The following ELOVL7 variants were observed in gnomAD, a reference collection of about 807,000 sequenced individuals.
ELOVL7 encodes very long chain fatty acid elongase 7.
A neutral mutation model predicts 35.7 loss-of-function variants in ELOVL7; 27 were observed. The observed-to-expected ratio is 0.76, with a 90% CI of 0.56 to 1.04. The LOEUF is 1.04. Among genes scored for constraint, ELOVL7 ranks in the 50% least tolerant of loss-of-function variants. The pLI, the probability that ELOVL7 is intolerant of heterozygous loss-of-function variation, is 0.00. For missense variants in ELOVL7, 327 were observed against 340.8 expected, an observed-to-expected ratio of 0.96 and a Z score of 0.32; for synonymous variants, 113 against 114.6, an observed-to-expected ratio of 0.99 and a Z score of 0.09.
In ELOVL7 at chr5:60,752,909, C is replaced by A. The variant is rs1397283997; in HGVS notation, c.*1715G>T. ...AGTGAACCGAGATTGTGCCATTGCACTCTAGCCTGGGCAACAAGAGTAAAA... is the reference window on the plus strand; with the variant it reads ...AGTGAACCGAGATTGTGCCATTGCAATCTAGCCTGGGCAACAAGAGTAAAA... On this transcript the variant is annotated 3_prime_UTR_variant, in exon 9 of 9. Transcript: ENST00000508821. 12 of 152,042 alleles carry A rather than the reference C, an allele frequency of 7.9e-5. 1 individual carries two copies. Among genetic ancestry groups the A allele is most frequent in the Admixed American group, 7.9e-4 (12 of 15,270 alleles). 9.4% of individuals were successfully genotyped at this position (152,042 alleles called of 1,614,324 possible).
At chr5:60,773,580 AAAGAGTC>A (rs1742728714) in intron 3 of ELOVL7, among the ~76,000 whole-genome samples, 1 of 152,214 alleles carries the variant, frequency 6.6e-6, no homozygotes, top group South Asian at 2.1e-4. Flanking sequence ...AAATAAAGCC[AAAGAGTC>A]AAGAGTCAGC....
rs533007846 is a variant in ELOVL7 at position 60,810,602 on chromosome 5, C to T, written c.-85-11372G>A. Among the ~76,000 whole-genome samples the T allele has an allele frequency of 6.6e-5, 10 of 152,268 alleles. No homozygotes were observed. In the South Asian group the frequency reaches 2.1e-3, roughly 32 times the overall value. On this transcript the variant is annotated intron_variant, in intron 1 of 8. Coordinates refer to ENST00000508821, the MANE Select transcript of ELOVL7 (RefSeq NM_024930.3). The stretch of plus-strand genomic sequence containing the variant: ...TTATATGTAACCAGTACTGATATTC[C>T]ACTCTTGTGCTTTAGGACAGGCAGG...
At chr5:60,806,617 A>G (rs1744940490) in intron 1 of ELOVL7, among the ~76,000 whole-genome samples, 1 of 152,164 alleles carries the variant, frequency 6.6e-6, no homozygotes, top group South Asian at 2.1e-4. Flanking sequence ...TGAAAAAAAA[A>G]GAGTAACAGA....
intron 3 of ELOVL7, among the ~76,000 whole-genome samples, chr5:60,786,212 C>T (rs1026276672): frequency 6.6e-6 from 1 of 152,146 alleles, no homozygotes; most frequent in African/African-American, 2.4e-5. Context: ...TAAAATGAGG[C>T]ATTAGCTTCG....
At chr5:60,803,579 T>C (rs1460473127) in intron 1 of ELOVL7, among the ~76,000 whole-genome samples, 2 of 152,222 alleles carry the variant, frequency 1.3e-5, no homozygotes, top group African/African-American at 4.8e-5. Context: ...TTTAGAAGTA[T>C]CTTGTGCCAT....
At chr5:60,761,123 G>A (rs1032760221) in intron 7 of ELOVL7, among the ~76,000 whole-genome samples, 12 of 152,050 alleles carry the variant, frequency 7.9e-5, no homozygotes, top group African/African-American at 2.7e-4. Context: ...TTCTAAGCCT[G>A]TTTTCTTCTT....
intron 2 of ELOVL7, among the ~76,000 whole-genome samples, chr5:60,789,795 C>T (rs1455589920): frequency 6.6e-6 from 1 of 151,964 alleles, no homozygotes; most frequent in African/African-American, 2.4e-5. Flanking sequence ...GAATGAAGAA[C>T]CTCTCCATGT....
chr5:60,757,364 C>A, intron 8 of ELOVL7, 145 bp downstream of exon 8: 1 of 665,684 alleles, frequency 1.5e-6, no homozygotes, highest in African/African-American at 1.8e-5. Context: ...ATATTAAGAA[C>A]CATGATGGCA....
At chr5:60,806,155 G>A (rs1055222057) in intron 1 of ELOVL7, among the ~76,000 whole-genome samples, 1 of 152,166 alleles carries the variant, frequency 6.6e-6, no homozygotes, top group African/African-American at 2.4e-5. Flanking sequence ...AGCCAAGGGA[G>A]AGGCCTGAAC....
At chr5:60,840,113 T>G (rs965595461) in intron 1 of ELOVL7, among the ~76,000 whole-genome samples, 3 of 152,174 alleles carry the variant, frequency 2.0e-5, no homozygotes, top group African/African-American at 7.2e-5. Flanking sequence ...TCAATTTGCC[T>G]AGAAATTATT....
chr5:60,819,062 AGGG>A (rs1561465797), intron 1 of ELOVL7, among the ~76,000 whole-genome samples: 3 of 182 alleles, frequency 0.016, no homozygotes, highest in Non-Finnish European at 0.044. Flanking sequence ...AGGGGAGGGG[AGGG>A]GAGGGGAGGG....
chr5:60,822,370 C>T (rs1579920601), intron 1 of ELOVL7, among the ~76,000 whole-genome samples: 1 of 152,200 alleles, frequency 6.6e-6, no homozygotes, highest in Non-Finnish European at 1.5e-5. Context: ...CAAGCCTGTA[C>T]CAGAAGAATC....
intron 2 of ELOVL7, among the ~76,000 whole-genome samples, chr5:60,793,551 C>A (rs1359175832): frequency 6.6e-6 from 1 of 152,040 alleles, no homozygotes; most frequent in Non-Finnish European, 1.5e-5. Context: ...CTCCTGATAC[C>A]CAAGAAATGA....
chr5:60,775,918 G>A (rs906753682), intron 3 of ELOVL7, among the ~76,000 whole-genome samples: 1 of 152,130 alleles, frequency 6.6e-6, no homozygotes, highest in Non-Finnish European at 1.5e-5. Flanking sequence ...CTGGACACTG[G>A]CCTTGGCAAA....
At chr5:60,805,064 G>A (rs958325576) in intron 1 of ELOVL7, among the ~76,000 whole-genome samples, 5 of 152,294 alleles carry the variant, frequency 3.3e-5, no homozygotes, top group African/African-American at 4.8e-5. Flanking sequence ...ATCCACATGT[G>A]ACCTAGAAGA....
intron 3 of ELOVL7, chr5:60,784,127 T>G: frequency 6.6e-7 from 1 of 1,516,390 alleles, no homozygotes; most frequent in Non-Finnish European, 8.9e-7. Flanking sequence ...ATCAGCTGCT[T>G]CTAAGAGAGT....
At chr5:60,756,742 C>A (rs1031744) in intron 8 of ELOVL7, among the ~76,000 whole-genome samples, 27,280 of 151,972 alleles carry the variant, frequency 0.18, 4,477 homozygotes, top group African/African-American at 0.44. Flanking sequence ...CCATCTAAAC[C>A]AAATTCATAC....
chr5:60,840,638 G>A (rs1747111985), intron 1 of ELOVL7, among the ~76,000 whole-genome samples: 1 of 152,152 alleles, frequency 6.6e-6, no homozygotes, highest in Non-Finnish European at 1.5e-5. Context: ...ATGTTTAATT[G>A]AATTGCTGTT....
intron 1 of ELOVL7, among the ~76,000 whole-genome samples, chr5:60,831,779 T>C (rs998879744): frequency 6.6e-5 from 10 of 152,234 alleles, no homozygotes; most frequent in Admixed American, 5.9e-4. Context: ...CTTATATATT[T>C]ATGCTTTTAA....
Sources: gnomAD v4.1 joint callset for allele counts (sites outside exome capture counted in the v4.1 genomes callset) on GRCh38, gnomAD v4.1.1 for gene constraint, MANE v1.5 for transcripts, NCBI Gene and HGNC (gene_info 2026-07-23, HGNC 2026-07-21) for gene names.